PRPSAP2: variants seen among roughly 807,000 people sequenced by gnomAD.
PRPSAP2 encodes phosphoribosyl pyrophosphate synthase-associated protein 2.
PRPSAP2 carries 24 observed loss-of-function variants against 40.6 expected under a neutral mutation model. That is an observed-to-expected ratio of 0.59 (90% CI 0.43 to 0.83). PRPSAP2 has a LOEUF of 0.83. Among genes scored for constraint, PRPSAP2 ranks in the 40% least tolerant of loss-of-function variants. PRPSAP2 has a pLI of 0.00. For synonymous variants in PRPSAP2, 149 were observed against 164.7 expected, an observed-to-expected ratio of 0.90 and a Z score of 0.73; for missense variants, 292 against 465.6, an observed-to-expected ratio of 0.63 and a Z score of 3.43.
chr17:18,892,379 T>C (rs2039602396), intron 8 of PRPSAP2, among the ~76,000 whole-genome samples: 1 of 152,060 alleles, frequency 6.6e-6, no homozygotes, highest in African/African-American at 2.4e-5. Context: ...ATATGGCAGT[T>C]TCGTTTATGT....
Position 18,860,123 on chromosome 17 carries a change from G to T in PRPSAP2, c.-129+1862G>T, listed in dbSNP as rs976463027. ...TGCCCAGGTTGGAGTGTAGTGGCGC[G>T]ATCTCAGCTCACTGCAACCTCTGCC... On this transcript the variant is annotated intron_variant, in intron 1 of 11. Transcript: ENST00000268835. 3.3e-3 allele frequency among the ~76,000 whole-genome samples: 495 copies of T among 151,798 alleles called. 1 individual carries two copies. Among genetic ancestry groups the T allele is most frequent in the African/African-American group, 0.012 (479 of 41,368 alleles).
intron 9 of PRPSAP2, 93 bp from the exon 10 acceptor site, chr17:18,923,821 T>C: frequency 8.7e-7 from 1 of 1,147,688 alleles, no homozygotes; most frequent in Non-Finnish European, 1.2e-6. Context: ...TCCTAGTTGG[T>C]TGAATGTTTT....
chr17:18,898,040 C>T (rs2040031766), intron 8 of PRPSAP2, among the ~76,000 whole-genome samples: 1 of 135,126 alleles, frequency 7.4e-6, no homozygotes. Flanking sequence ...CGCTCTGTCA[C>T]CAGGTTGGAG....
rs749206746 is a variant in PRPSAP2 at position 18,882,569 on chromosome 17, T to A, written c.414T>A (p.Gly138=). 2 of 1,538,412 alleles carry A rather than the reference T, an allele frequency of 1.3e-6. No homozygotes were observed. Among genetic ancestry groups the A allele is most frequent in the African/African-American group, 1.4e-5 (1 of 72,982 alleles). ...KLLASMMCKA[G]LTHLITMDLH... ...CTTGTGTCTGCTTTATTTTCAAAGG[T>A]CTAACTCATCTTATTACTATGGATT... is the stretch of plus-strand genomic sequence containing the variant. Residue 138 remains glycine (G), a splice_region_variant and synonymous_variant, in exon 7 of 12, where the codon GGT becomes GGA. Transcript: ENST00000268835.
In PRPSAP2 at chr17:18,925,834, G is replaced by A. The variant is rs1384779350; in HGVS notation, c.804+1850G>A. On this transcript the variant is annotated intron_variant, in intron 10 of 11. Transcript: ENST00000268835. ...CAGGTTAGAAAATCTCTCTGGGGCC[G>A]GGCACGGTGGCTCACTTCTGTAATC... Among the ~76,000 whole-genome samples the A allele has an allele frequency of 3.9e-5, 6 of 152,124 alleles. No individual in the cohort carries two copies. The East Asian group carries it at 5.8e-4, about 15-fold the overall frequency.
chr17:18,911,088 G>A lies in PRPSAP2; in HGVS notation c.585-15G>A, dbSNP rs774868014. The A allele has an allele frequency of 1.9e-6, 3 of 1,595,260 alleles. No individual in the cohort carries two copies. The highest frequency in any genetic ancestry group is 2.6e-6 in the Non-Finnish European group (3 of 1,167,556). Reference sequence around the variant, plus strand: ...CTGCATGAGTTTTGAGCTTGTGTCTGGTGTTTTCCCTCAGGGCACAGTCTT... The same window carrying A: ...CTGCATGAGTTTTGAGCTTGTGTCTAGTGTTTTCCCTCAGGGCACAGTCTT... On this transcript the variant is annotated splice_polypyrimidine_tract_variant and intron_variant, in intron 8 of 11. Transcript: ENST00000268835. This position sits in a 1 kb window ranked among gnomAD's most constrained non-coding sequence, Gnocchi z 4.5.
chr17:18,905,217 GGTTTCACCAC>G, intron 8 of PRPSAP2, among the ~76,000 whole-genome samples: 1 of 152,120 alleles, frequency 6.6e-6, no homozygotes, highest in Non-Finnish European at 1.5e-5. Context: ...GTAGAGACGG[GGTTTCACCAC>G]GTTGGCCAGG....
At position 18,877,870 on chromosome 17, in the gene PRPSAP2, G is replaced by T; in HGVS notation, c.412G>T (p.Gly138Cys). Residue 138 changes from glycine (G) to cysteine (C), a missense_variant and splice_region_variant, in exon 6 of 12, where the codon GGT becomes TGT. Physicochemically the swap from Gly to Cys is radical, Grantham distance 159. Transcript: ENST00000268835. ...GCTGGCTTCCATGATGTGCAAAGCTGGTAAGAATGGCAGATGTTTCACAAT... is the reference window on the plus strand; with the variant it reads ...GCTGGCTTCCATGATGTGCAAAGCTTGTAAGAATGGCAGATGTTTCACAAT... Reference protein sequence around the residue: ...KLLASMMCKAGLTHLITMDLH... With the variant: ...KLLASMMCKACLTHLITMDLH... 1.3e-6 allele frequency: 2 copies of T among 1,589,682 alleles called. No homozygotes were observed. Among genetic ancestry groups the T allele is most frequent in the African/African-American group, 2.7e-5 (2 of 73,540 alleles).
At chr17:18,928,185 C>T (rs1187748222) in intron 10 of PRPSAP2, 4 of 156,496 alleles carry the variant, frequency 2.6e-5, no homozygotes, top group Admixed American at 6.2e-5. Flanking sequence ...CTCTAGACAA[C>T]GTTTGATGCC....
intron 8 of PRPSAP2, among the ~76,000 whole-genome samples, chr17:18,909,720 C>T (rs1293869672): frequency 1.3e-5 from 2 of 151,738 alleles, no homozygotes; most frequent in Non-Finnish European, 2.9e-5. Context: ...GCCTGGCCAA[C>T]ATGACAAAAC....
intron 8 of PRPSAP2, among the ~76,000 whole-genome samples, chr17:18,909,512 G>A (rs1054506397): frequency 6.6e-6 from 1 of 151,922 alleles, no homozygotes; most frequent in African/African-American, 2.4e-5. Flanking sequence ...CCAAAGTGCT[G>A]GGATTACAGG....
intron 9 of PRPSAP2, among the ~76,000 whole-genome samples, chr17:18,915,986 A>AT (rs2041286427): frequency 6.6e-6 from 1 of 151,734 alleles, no homozygotes; most frequent in African/African-American, 2.4e-5. Flanking sequence ...CACCCGGCTA[A>AT]TTTTTTGTAT....
intron 10 of PRPSAP2, among the ~76,000 whole-genome samples, chr17:18,926,919 C>T (rs1417684361): frequency 6.6e-6 from 1 of 152,186 alleles, no homozygotes; most frequent in African/African-American, 2.4e-5. Flanking sequence ...CATAGCTACA[C>T]TGACATCCTT....
rs145724484 is a variant in PRPSAP2, at chr17:18,911,265, TG to T, written c.733+15del. On this transcript the variant is annotated intron_variant, in intron 9 of 11. Coordinates refer to ENST00000268835, the MANE Select transcript of PRPSAP2 (RefSeq NM_002767.4). The surrounding 1 kb of genome is among the most constrained non-coding windows in gnomAD (Gnocchi z 4.5). ...TGGAGATCCCCAGTAAGTGTGCTGC[TG>T]CCTCTTTCCCACTTTCCTCTGATTT... 26,467 of 1,593,254 alleles carry T rather than the reference TG, an allele frequency of 0.017. 389 individuals are homozygous for T. The highest frequency in any genetic ancestry group is 0.055 in the South Asian group (4,933 of 89,470).
At chr17:18,880,324 C>A (rs918737960) in intron 6 of PRPSAP2, among the ~76,000 whole-genome samples, 1 of 152,190 alleles carries the variant, frequency 6.6e-6, no homozygotes, top group East Asian at 1.9e-4. Flanking sequence ...ATTTTCCTTA[C>A]ACTTTTCTGG....
At chr17:18,866,360 T>G (rs535233068) in intron 3 of PRPSAP2, among the ~76,000 whole-genome samples, 1 of 152,078 alleles carries the variant, frequency 6.6e-6, no homozygotes, top group Non-Finnish European at 1.5e-5. Context: ...GTCAGGAGAT[T>G]GAGACCATCC....
chr17:18,907,892 T>G (rs572263762), intron 8 of PRPSAP2, among the ~76,000 whole-genome samples: 24 of 152,192 alleles, frequency 1.6e-4, no homozygotes, highest in African/African-American at 5.8e-4. Flanking sequence ...TTCCCAACAC[T>G]TTGGGATGCC....
intron 4 of PRPSAP2, among the ~76,000 whole-genome samples, chr17:18,867,716 T>C (rs1292037451): frequency 2.0e-5 from 3 of 152,246 alleles, no homozygotes; most frequent in Non-Finnish European, 2.9e-5. Flanking sequence ...ACCGCAGTTT[T>C]AGTTAGTCTT....
chr17:18,928,218 G>T (rs2042070306), intron 10 of PRPSAP2: 1 of 158,528 alleles, frequency 6.3e-6, no homozygotes, highest in African/African-American at 2.4e-5. Context: ...AAATAACTCT[G>T]GGAGCCTGGG....
Sources: allele counts gnomAD v4.1 joint callset (sites outside exome capture counted in the v4.1 genomes callset), GRCh38; gene constraint gnomAD v4.1.1; non-coding constraint Gnocchi (gnomAD v3.1); transcripts MANE v1.5; gene names NCBI Gene and HGNC (gene_info 2026-07-23, HGNC 2026-07-21).